CUX1: variants seen among roughly 807,000 people sequenced by gnomAD.
The protein encoded by CUX1 is protein CASP.
Under a neutral mutation model 158.8 loss-of-function variants are expected in CUX1, and 31 were observed. The observed-to-expected ratio is 0.20, with a 90% CI of 0.15 to 0.26. The LOEUF (loss-of-function observed/expected upper bound fraction) is 0.26. Among genes scored for constraint, CUX1 ranks in the 10% least tolerant of loss-of-function variants. The pLI, the probability that CUX1 is intolerant of heterozygous loss-of-function variation, is 1.00. For missense variants in CUX1, 1,589 were observed against 2,014.6 expected, an observed-to-expected ratio of 0.79 and a Z score of 4.04; for synonymous variants, 879 against 862.1, an observed-to-expected ratio of 1.02 and a Z score of -0.34.
intron 15 of CUX1, among the ~76,000 whole-genome samples, chr7:102,198,408 A>T (rs1487512575): frequency 6.6e-5 from 10 of 152,268 alleles, no homozygotes; most frequent in African/African-American, 2.2e-4. Context: ...AGATGTTTTG[A>T]ACAGCATCAA....
At chr7:101,860,560 A>G (rs999477442) in intron 1 of CUX1, among the ~76,000 whole-genome samples, 5 of 152,170 alleles carry the variant, frequency 3.3e-5, no homozygotes, top group African/African-American at 1.2e-4. Context: ...GTCACCTGCC[A>G]TCACCTGTCC....
chr7:101,913,283 G>A, intron 1 of CUX1: 2 of 968,440 alleles, frequency 2.1e-6, no homozygotes, highest in South Asian at 1.4e-5. Flanking sequence ...GCGGGTGGCG[G>A]CTCGGTGTTA....
At position 102,254,605 on chromosome 7, in the gene CUX1, T is replaced by C; in HGVS notation, c.*5563T>C. The C allele has an allele frequency of 3.0e-6, 3 of 985,424 alleles. No individual in the cohort carries two copies. The highest frequency in any genetic ancestry group is 3.6e-6 in the Non-Finnish European group (3 of 829,940). 61.0% of individuals were successfully genotyped at this position (985,424 alleles called of 1,614,324 possible). On this transcript the variant is annotated 3_prime_UTR_variant, in exon 24 of 24. Transcript: ENST00000292535. ...TGGAGACAGTTTGCAAGTAAGAACCTAAGGATGGGGACAGCATCCTGTGCT... is the reference window on the plus strand; with the variant it reads ...TGGAGACAGTTTGCAAGTAAGAACCCAAGGATGGGGACAGCATCCTGTGCT...
chr7:102,274,368 T>C lies in CUX1; in HGVS notation c.1450+58T>C. The C allele has an allele frequency of 3.4e-6, 5 of 1,476,430 alleles. No homozygotes were observed. The South Asian group carries it at 5.7e-5, about 17-fold the overall frequency. The allele number at this position is 1,476,430 out of a possible 1,614,324, so 91.5% of individuals were successfully genotyped here. A position where few individuals can be genotyped will look rare whatever the true frequency, so the allele number is the denominator to read the frequency against. On this transcript the variant is annotated intron_variant, in intron 16 of 22. Coordinates refer to the CUX1 transcript ENST00000292538. ...GGAGGAGGGAAGAGGAGACAGGTGA[T>C]ACCGCCTGAGAACACAGATCCCCAA...
At chr7:101,845,815 C>T (rs1383219612) in intron 1 of CUX1, among the ~76,000 whole-genome samples, 1 of 152,100 alleles carries the variant, frequency 6.6e-6, no homozygotes, top group East Asian at 1.9e-4. Flanking sequence ...TCAAGACCAG[C>T]CTGGCCAACG....
At chr7:101,867,941 C>A (rs1206720031) in intron 1 of CUX1, among the ~76,000 whole-genome samples, 2 of 151,988 alleles carry the variant, frequency 1.3e-5, no homozygotes, top group African/African-American at 4.8e-5. Flanking sequence ...GAACTCCTGA[C>A]TTCAAGTGAT....
rs529953616 is a variant in CUX1 at position 101,872,291 on chromosome 7, G to A, written c.31-43824G>A. 2.2e-4 allele frequency among the ~76,000 whole-genome samples: 34 copies of A among 151,920 alleles called. No homozygotes were observed. The East Asian group carries it at 4.7e-3, about 21-fold the overall frequency. On this transcript the variant is annotated intron_variant, in intron 1 of 23. Transcript: ENST00000292535. ...TGGGATTACAGGCGCCCATCACCACGCCCGGCTAATTTTTGTATTTTTAGT... is the reference window on the plus strand; with the variant it reads ...TGGGATTACAGGCGCCCATCACCACACCCGGCTAATTTTTGTATTTTTAGT...
chr7:102,137,993 C>G (rs1460350192), intron 8 of CUX1, among the ~76,000 whole-genome samples: 1 of 152,138 alleles, frequency 6.6e-6, no homozygotes, highest in Non-Finnish European at 1.5e-5. Context: ...GGAGACCAGC[C>G]TGGGCAACGT....
intron 8 of CUX1, among the ~76,000 whole-genome samples, chr7:102,151,727 C>CAAAAAAAAAA (rs1159017025): frequency 2.6e-5 from 1 of 38,876 alleles, no homozygotes; most frequent in Non-Finnish European, 4.5e-5. Flanking sequence ...GACTCTGTCT[C>CAAAAAAAAAA]AAAAAAAAAA....
At chr7:102,216,751 C>A (rs1275238530) in intron 20 of CUX1, among the ~76,000 whole-genome samples, 1 of 146,002 alleles carries the variant, frequency 6.8e-6, no homozygotes, top group Non-Finnish European at 1.5e-5. Context: ...CACACTTCTG[C>A]ACACACACAC....
chr7:102,280,348 T>C (rs1403217577), intron 19 of CUX1, among the ~76,000 whole-genome samples: 2 of 151,980 alleles, frequency 1.3e-5, no homozygotes, highest in Non-Finnish European at 2.9e-5. Context: ...TTCAGTGCAA[T>C]GTAGGCCCAG....
exon 15 of CUX1, chr7:102,273,485 G>A (rs781847411): frequency 1.4e-5 from 22 of 1,610,422 alleles, no homozygotes; most frequent in Admixed American, 6.7e-5. Context: ...CCAGCGGCCC[G>A]ATGCCGAGGT....
rs1357708375 is a variant in CUX1, at chr7:102,250,618, T to C, written c.*1576T>C. On this transcript the variant is annotated 3_prime_UTR_variant, in exon 24 of 24. Transcript: ENST00000292535. The stretch of plus-strand genomic sequence containing the variant: ...CAAACTCACACCAAAACGTGGATGC[T>C]CTTCAACTTCCAAACCTACCATTTG... The C allele has an allele frequency of 2.7e-5, 27 of 985,460 alleles. No individual in the cohort carries two copies. Among genetic ancestry groups the C allele is most frequent in the Non-Finnish European group, 3.1e-5 (26 of 829,946 alleles). 61.0% of individuals were successfully genotyped at this position (985,460 alleles called of 1,614,324 possible).
chr7:102,198,738 C>T, intron 15 of CUX1, 64 bp from the exon 16 acceptor site: 1 of 1,399,308 alleles, frequency 7.1e-7, no homozygotes, highest in South Asian at 1.2e-5. Flanking sequence ...TGTCACACAG[C>T]CCATATCGTC....
intron 1 of CUX1, among the ~76,000 whole-genome samples, chr7:101,864,590 G>A (rs1308603648): frequency 2.0e-5 from 3 of 151,926 alleles, no homozygotes; most frequent in Non-Finnish European, 2.9e-5. Flanking sequence ...TCGCTCTGTC[G>A]CCCAGGCTGG....
chr7:102,072,493 C>T (rs1297545101), intron 4 of CUX1, among the ~76,000 whole-genome samples: 1 of 152,338 alleles, frequency 6.6e-6, no homozygotes, highest in East Asian at 1.9e-4. Context: ...TTGGTTGCAA[C>T]CAATCAGAGG....
intron 2 of CUX1, among the ~76,000 whole-genome samples, chr7:101,973,553 T>C (rs557835316): frequency 2.0e-5 from 3 of 152,276 alleles, no homozygotes; most frequent in African/African-American, 7.2e-5. Context: ...TCATACTGCG[T>C]GCATTCAATT....
At chr7:102,005,310 G>A (rs1465758290) in intron 2 of CUX1, among the ~76,000 whole-genome samples, 2 of 152,178 alleles carry the variant, frequency 1.3e-5, no homozygotes, top group Non-Finnish European at 1.5e-5. Context: ...CCAGGAGTTC[G>A]AGACCGGCCT....
At chr7:102,283,170 C>T in exon 23 of CUX1, 1 of 1,178,446 alleles carries the variant, frequency 8.5e-7, no homozygotes, top group Non-Finnish European at 1.3e-6. Context: ...TTAGACTCCC[C>T]TGAAGAATCC....
Sources: gnomAD v4.1 joint callset for allele counts (sites outside exome capture counted in the v4.1 genomes callset) on GRCh38, gnomAD v4.1.1 for gene constraint, MANE v1.5 for transcripts, NCBI Gene and HGNC (gene_info 2026-07-23, HGNC 2026-07-21) for gene names.